The following FGF14 variants were observed in gnomAD, a reference collection of about 807,000 sequenced individuals.
The protein encoded by FGF14 is fibroblast growth factor homologous factor 4.
Under a neutral mutation model 25.5 loss-of-function variants are expected in FGF14, and 5 were observed. The ratio of observed to expected loss-of-function variants is 0.20; its 90% CI spans 0.10 to 0.41. The LOEUF is 0.41. Among genes scored for constraint, FGF14 ranks in the 10% least tolerant of loss-of-function variants. FGF14 has a pLI of 1.00. For missense variants in FGF14, 222 were observed against 320.1 expected, an observed-to-expected ratio of 0.69 and a Z score of 2.34; for synonymous variants, 138 against 118.3, an observed-to-expected ratio of 1.17 and a Z score of -1.08.
At chr13:102,304,233 C>G (rs1340905893) in intron 1 of FGF14, among the ~76,000 whole-genome samples, 3 of 151,976 alleles carry the variant, frequency 2.0e-5, no homozygotes, top group Non-Finnish European at 4.4e-5. Flanking sequence ...CTACTGAACC[C>G]CACGAACTTC....
intron 1 of FGF14, among the ~76,000 whole-genome samples, chr13:102,060,302 G>A (rs141051320): frequency 1.3e-3 from 196 of 152,156 alleles, no homozygotes; most frequent in African/African-American, 4.4e-3. Context: ...GAGGCCGGGG[G>A]ATCATGAGGT....
chr13:102,056,806 AATAT>A (rs1219380983), intron 1 of FGF14, among the ~76,000 whole-genome samples: 3 of 149,194 alleles, frequency 2.0e-5, no homozygotes, highest in East Asian at 3.9e-4. Flanking sequence ...AACTAAAATG[AATAT>A]ATATTTATAT....
intron 1 of FGF14, among the ~76,000 whole-genome samples, chr13:102,037,082 TGA>T (rs2041512939): frequency 6.6e-6 from 1 of 152,126 alleles, no homozygotes; most frequent in African/African-American, 2.4e-5. Flanking sequence ...CTTGAGTGTT[TGA>T]GAGTTTGTTG....
intron 3 of FGF14, among the ~76,000 whole-genome samples, chr13:101,809,371 T>C (rs1051103709): frequency 1.3e-5 from 2 of 152,166 alleles, no homozygotes; most frequent in African/African-American, 4.8e-5. Flanking sequence ...TCATGTCCTA[T>C]CTGTAGATGC....
intron 1 of FGF14, among the ~76,000 whole-genome samples, chr13:102,354,887 C>T (rs963776406): frequency 1.1e-4 from 17 of 151,896 alleles, no homozygotes; most frequent in African/African-American, 3.6e-4. Context: ...TCTGTTCATC[C>T]CTCAAGACCT....
intron 3 of FGF14, among the ~76,000 whole-genome samples, chr13:101,767,300 T>C (rs2038468241): frequency 6.6e-6 from 1 of 152,184 alleles, no homozygotes; most frequent in African/African-American, 2.4e-5. Context: ...TAAGTACTGA[T>C]GCCAGAGTGC....
chr13:101,929,830 T>C (rs1014987009), intron 1 of FGF14, among the ~76,000 whole-genome samples: 1 of 152,252 alleles, frequency 6.6e-6, no homozygotes, highest in South Asian at 2.1e-4. Context: ...TAGCCCTTTA[T>C]GTTTTTTATT....
chr13:102,079,941 C>G (rs1251822917), intron 1 of FGF14, among the ~76,000 whole-genome samples: 1 of 152,144 alleles, frequency 6.6e-6, no homozygotes, highest in African/African-American at 2.4e-5. Flanking sequence ...TAAGTGGTGC[C>G]TTGCCTGGCA....
chr13:101,741,666 A>G (rs1279230433), intron 3 of FGF14, among the ~76,000 whole-genome samples: 2 of 150,994 alleles, frequency 1.3e-5, no homozygotes, highest in African/African-American at 4.9e-5. Flanking sequence ...CCATCAGAGT[A>G]CTTCCCTGCC....
intron 1 of FGF14, among the ~76,000 whole-genome samples, chr13:102,257,471 G>T (rs1336717): frequency 1.3e-5 from 2 of 148,280 alleles, no homozygotes; most frequent in East Asian, 4.2e-4. Context: ...TCTGCCCCAG[G>T]AGCCTGAGTA....
chr13:102,081,161 G>A (rs1183643798), intron 1 of FGF14, among the ~76,000 whole-genome samples: 1 of 152,214 alleles, frequency 6.6e-6, no homozygotes, highest in African/African-American at 2.4e-5. Flanking sequence ...AATGAGGAAG[G>A]CTTCTCCTTC....
chr13:102,126,027 G>A (rs1472142769), intron 1 of FGF14, among the ~76,000 whole-genome samples: 1 of 152,104 alleles, frequency 6.6e-6, no homozygotes, highest in Non-Finnish European at 1.5e-5. Context: ...ATGGTTACCA[G>A]CATCATTCAC....
At chr13:101,726,911 C>T (rs2035476030) in intron 3 of FGF14, 101 bp from the exon 4 acceptor site, 1 of 887,148 alleles carries the variant, frequency 1.1e-6, no homozygotes, top group Admixed American at 2.1e-5. Context: ...TGAAAGAGTG[C>T]TTTGGCATGG....
chr13:102,342,033 C>T (rs536352465), intron 1 of FGF14, among the ~76,000 whole-genome samples: 118 of 152,218 alleles, frequency 7.8e-4, no homozygotes, highest in Middle Eastern at 6.8e-3. Context: ...TCTTCACTCA[C>T]GCAATCAAAG....
intron 1 of FGF14, among the ~76,000 whole-genome samples, chr13:102,289,261 A>C (rs1431758304): frequency 2.6e-5 from 4 of 152,130 alleles, no homozygotes; most frequent in Admixed American, 6.5e-5. Flanking sequence ...TCTAGATCTC[A>C]TTGTACACAT....
At chr13:102,009,812 A>G (rs1260360624) in intron 1 of FGF14, among the ~76,000 whole-genome samples, 1 of 152,188 alleles carries the variant, frequency 6.6e-6, no homozygotes, top group African/African-American at 2.4e-5. Context: ...AATTAAAAGT[A>G]CCGTCACTTC....
At chr13:102,291,121 G>A (rs770853966) in intron 1 of FGF14, among the ~76,000 whole-genome samples, 8 of 152,172 alleles carry the variant, frequency 5.3e-5, no homozygotes, top group Non-Finnish European at 1.0e-4. Context: ...TCTAAAAGCA[G>A]TAAAAAGATG....
At chr13:102,021,143 A>G (rs561646157) in intron 1 of FGF14, among the ~76,000 whole-genome samples, 1 of 152,164 alleles carries the variant, frequency 6.6e-6, no homozygotes, top group South Asian at 2.1e-4. Flanking sequence ...GGCCGAGAGT[A>G]AAGGAGATTA....
intron 1 of FGF14, among the ~76,000 whole-genome samples, chr13:102,125,740 A>G (rs1244982129): frequency 6.6e-6 from 1 of 152,110 alleles, no homozygotes; most frequent in African/African-American, 2.4e-5. Flanking sequence ...ATTGATTTGA[A>G]CTGTTTCTTT....
Sources: gnomAD v4.1 joint callset for allele counts (sites outside exome capture counted in the v4.1 genomes callset) on GRCh38, gnomAD v4.1.1 for gene constraint, MANE v1.5 for transcripts, NCBI Gene and HGNC (gene_info 2026-07-23, HGNC 2026-07-21) for gene names.